MAGI3: variants seen among roughly 807,000 people sequenced by gnomAD.
MAGI3 encodes membrane-associated guanylate kinase, WW and PDZ domain-containing protein 3.
In MAGI3, 43 loss-of-function variants were observed where a neutral mutation model predicts 121.8. The observed-to-expected ratio is 0.35, with a 90% confidence interval of 0.28 to 0.46. The LOEUF is 0.46. Ranked by LOEUF, MAGI3 falls within the 20% of genes least tolerant of loss-of-function variation. The pLI, the probability that MAGI3 is intolerant of heterozygous loss-of-function variation, is 1.00. For synonymous variants in MAGI3, 553 were observed against 639.3 expected, an observed-to-expected ratio of 0.86 and a Z score of 2.04; for missense variants, 1,547 against 1,797.3, an observed-to-expected ratio of 0.86 and a Z score of 2.52.
intron 2 of MAGI3, 40 bp from the exon 3 acceptor site, chr1:113,580,493 TAAGTTTAAA>T: frequency 6.5e-7 from 1 of 1,540,182 alleles, no homozygotes; most frequent in Non-Finnish European, 8.8e-7. Flanking sequence ...GAATATTTTG[TAAGTTTAAA>T]AGTACTTTAC....
At chr1:113,653,571 C>T (rs761719368) in intron 14 of MAGI3, among the ~76,000 whole-genome samples, 5 of 150,036 alleles carry the variant, frequency 3.3e-5, no homozygotes, top group Non-Finnish European at 5.9e-5. Flanking sequence ...GACGCCATCT[C>T]GGGGAAAAAA....
intron 1 of MAGI3, among the ~76,000 whole-genome samples, chr1:113,546,607 G>T (rs984799185): frequency 6.6e-6 from 1 of 151,674 alleles, no homozygotes; most frequent in Non-Finnish European, 1.5e-5. Context: ...AAAGTGCTGG[G>T]ATTACAGGCA....
intron 5 of MAGI3, 62 bp from the exon 6 acceptor site, chr1:113,594,419 C>T: frequency 1.5e-6 from 2 of 1,344,972 alleles, no homozygotes; most frequent in South Asian, 1.3e-5. Flanking sequence ...TTAATCTTTA[C>T]TTTTGAAATA....
intron 2 of MAGI3, among the ~76,000 whole-genome samples, chr1:113,556,178 G>A (rs1160570353): frequency 6.6e-6 from 1 of 151,762 alleles, no homozygotes; most frequent in African/African-American, 2.4e-5. Flanking sequence ...AAAAGAAGGA[G>A]GAAAATACTT....
In MAGI3 at chr1:113,422,976, G is replaced by T. The variant is rs947608785; in HGVS notation, c.316+31627G>T. 1.1e-4 allele frequency among the ~76,000 whole-genome samples: 16 copies of T among 152,200 alleles called. No homozygotes were observed. The South Asian group carries it at 2.7e-3, about 26-fold the overall frequency. On this transcript the variant is annotated intron_variant, in intron 1 of 20. Transcript: ENST00000307546. This position sits in a 1 kb window ranked among gnomAD's most constrained non-coding sequence, Gnocchi z 4.3. ...TCCTGAGGTCTGGGCCCCCAGAAGG[G>T]TTGCCACCCTTCACTTCTGCAGTCT...
At chr1:113,629,859 C>T (rs1378585984) in intron 9 of MAGI3, among the ~76,000 whole-genome samples, 3 of 146,238 alleles carry the variant, frequency 2.1e-5, no homozygotes, top group African/African-American at 5.0e-5. Context: ...CATAAACATC[C>T]CTGTGGCCAC....
chr1:113,630,228 C>G (rs1418864423), intron 9 of MAGI3, among the ~76,000 whole-genome samples: 1 of 152,168 alleles, frequency 6.6e-6, no homozygotes, highest in Non-Finnish European at 1.5e-5. Context: ...CTGTGGCCAC[C>G]AACACTGGCC....
chr1:113,514,546 A>G (rs1657788245), intron 1 of MAGI3, among the ~76,000 whole-genome samples: 1 of 151,266 alleles, frequency 6.6e-6, no homozygotes, highest in Non-Finnish European at 1.5e-5. Flanking sequence ...AACACCGCAT[A>G]TTCTCACTCA....
At position 113,684,096 on chromosome 1, in the gene MAGI3, T is replaced by C. The variant is rs1648401101; in HGVS notation, c.*82T>C. 16 of 1,302,540 alleles carry C rather than the reference T, an allele frequency of 1.2e-5. No individual in the cohort carries two copies. Among genetic ancestry groups the C allele is most frequent in the Non-Finnish European group, 1.2e-5 (12 of 972,456 alleles). The allele number at this position is 1,302,540 out of a possible 1,614,324, so 80.7% of individuals were successfully genotyped here. ...TCCAGAAAAAGCCTTTTTTTTTTTT[T>C]CAGATATTCTGAAACAGATAAGTAC... On this transcript the variant is annotated 3_prime_UTR_variant, in exon 21 of 21. Transcript: ENST00000307546.
At chr1:113,523,101 C>G (rs958835663) in intron 1 of MAGI3, among the ~76,000 whole-genome samples, 1 of 152,162 alleles carries the variant, frequency 6.6e-6, no homozygotes. Context: ...GGAAGTTTCC[C>G]TGCACAAGCT....
At chr1:113,473,508 A>G (rs1228152369) in intron 1 of MAGI3, among the ~76,000 whole-genome samples, 1 of 149,680 alleles carries the variant, frequency 6.7e-6, no homozygotes, top group African/African-American at 2.5e-5. Context: ...GAGTGAGAAC[A>G]TGCAGTGTTT....
At chr1:113,523,048 A>T (rs1241312989) in intron 1 of MAGI3, among the ~76,000 whole-genome samples, 1 of 152,150 alleles carries the variant, frequency 6.6e-6, no homozygotes, top group Non-Finnish European at 1.5e-5. Flanking sequence ...TGTTCTTCTC[A>T]TGATAGTGAA....
At chr1:113,511,384 A>G (rs1657607486) in intron 1 of MAGI3, among the ~76,000 whole-genome samples, 1 of 152,240 alleles carries the variant, frequency 6.6e-6, no homozygotes, top group African/African-American at 2.4e-5. Context: ...GGAAAGAATG[A>G]AAAGATGGTT....
At chr1:113,561,326 A>G (rs976160487) in intron 2 of MAGI3, among the ~76,000 whole-genome samples, 10 of 152,232 alleles carry the variant, frequency 6.6e-5, no homozygotes, top group Non-Finnish European at 1.5e-4. Context: ...AGAAAACTTC[A>G]GGCCAGTATC....
intron 18 of MAGI3, among the ~76,000 whole-genome samples, chr1:113,673,005 T>C (rs1647656476): frequency 6.6e-6 from 1 of 152,218 alleles, no homozygotes; most frequent in African/African-American, 2.4e-5. Context: ...AAATTCAGGT[T>C]TTTTTGTTTG....
rs1653311647 is a variant in MAGI3, at chr1:113,653,770, CTT to C, written c.2441-58_2441-57del. On this transcript the variant is annotated intron_variant, in intron 14 of 20. Coordinates refer to ENST00000307546, the MANE Select transcript of MAGI3 (RefSeq NM_001142782.2). ...CTGTGAGAGGCTTAGCATAAAAACACTTTAGTCACCAGAAATTATGATGTTCC... is the reference window on the plus strand; with the variant it reads ...CTGTGAGAGGCTTAGCATAAAAACACTAGTCACCAGAAATTATGATGTTCC... 1.7e-5 allele frequency: 24 copies of C among 1,402,016 alleles called. No individual in the cohort carries two copies. In the South Asian group the frequency reaches 3.6e-4, roughly 21 times the overall value. The allele number at this position is 1,402,016 out of a possible 1,614,324, so 86.8% of individuals were successfully genotyped here. A position where few individuals can be genotyped will look rare whatever the true frequency, so the allele number is the denominator to read the frequency against.
In MAGI3 at chr1:113,647,115, T is replaced by C. The variant is rs1652892358; in HGVS notation, c.2155+473T>C. On this transcript the variant is annotated intron_variant, in intron 12 of 20. Transcript: ENST00000307546. Reference sequence around the variant, plus strand: ...TACTGGAAGCAAAGCTTTAACTAAGTCATCAGGGATGAAAAAGTGTCTTTG... The same window carrying C: ...TACTGGAAGCAAAGCTTTAACTAAGCCATCAGGGATGAAAAAGTGTCTTTG... 2.0e-5 allele frequency among the ~76,000 whole-genome samples: 3 copies of C among 152,112 alleles called. No homozygotes were observed. The South Asian group carries it at 6.2e-4, about 32-fold the overall frequency.
chr1:113,653,343 A>G (rs976618037), intron 14 of MAGI3, among the ~76,000 whole-genome samples: 9 of 152,178 alleles, frequency 5.9e-5, no homozygotes, highest in Non-Finnish European at 1.2e-4. Flanking sequence ...AGCTTCCTTT[A>G]AAATGAGATC....
intron 1 of MAGI3, among the ~76,000 whole-genome samples, chr1:113,439,464 C>T (rs1286555420): frequency 2.0e-5 from 3 of 152,172 alleles, no homozygotes; most frequent in Non-Finnish European, 4.4e-5. Flanking sequence ...TTAGCCTGCT[C>T]AGAGGTTATT....
Sources: gnomAD v4.1 joint callset for allele counts (sites outside exome capture counted in the v4.1 genomes callset) on GRCh38, gnomAD v4.1.1 for gene constraint, Gnocchi (gnomAD v3.1) non-coding constraint, MANE v1.5 for transcripts, NCBI Gene and HGNC (gene_info 2026-07-23, HGNC 2026-07-21) for gene names.